MAF: variants seen among roughly 807,000 people sequenced by gnomAD.
The protein encoded by MAF is transcription factor Maf.
A neutral mutation model predicts 22.0 loss-of-function variants in MAF; 10 were observed. That is an observed-to-expected ratio of 0.45 (90% confidence interval 0.28 to 0.77). The LOEUF is 0.77. Ranked by LOEUF, MAF falls within the 30% of genes least tolerant of loss-of-function variation. The probability of loss-of-function intolerance (pLI) is 0.12; values close to 1 mark genes in which losing one functional copy is unlikely to be tolerated. For missense variants in MAF, 544 were observed against 548.4 expected, an observed-to-expected ratio of 0.99 and a Z score of 0.08; for synonymous variants, 337 against 255.8, an observed-to-expected ratio of 1.32 and a Z score of -3.03.
the MAF span, among the ~76,000 whole-genome samples, chr16:79,262,668 C>G: frequency 6.6e-6 from 1 of 152,128 alleles, no homozygotes; most frequent in Non-Finnish European, 1.5e-5. Flanking sequence ...TACAGTCTTA[C>G]AGTTCCTTCT....
chr16:79,395,819 TCAAA>T, the MAF span, among the ~76,000 whole-genome samples: 1 of 152,096 alleles, frequency 6.6e-6, no homozygotes, highest in African/African-American at 2.4e-5. Flanking sequence ...AAGAGGGAAC[TCAAA>T]CAGTAGGGAG....
At chr16:79,338,990 A>C in the MAF span, among the ~76,000 whole-genome samples, 1 of 152,322 alleles carries the variant, frequency 6.6e-6, no homozygotes, top group African/African-American at 2.4e-5. Context: ...GACTATTCTT[A>C]TCCAAGGAAG....
chr16:79,331,211 T>C, the MAF span, among the ~76,000 whole-genome samples: 1 of 152,196 alleles, frequency 6.6e-6, no homozygotes, highest in Non-Finnish European at 1.5e-5. Flanking sequence ...AAAATGTGTC[T>C]TAATCTTTTG....
At chr16:79,468,053 C>G in the MAF span, among the ~76,000 whole-genome samples, 1 of 152,150 alleles carries the variant, frequency 6.6e-6, no homozygotes, top group African/African-American at 2.4e-5. Flanking sequence ...GAATGTGTCA[C>G]TGAGCAGACC....
At chr16:79,255,945 TTTATCTTTTC>T in the MAF span, among the ~76,000 whole-genome samples, 1 of 143,418 alleles carries the variant, frequency 7.0e-6, no homozygotes, top group Non-Finnish European at 1.5e-5. Context: ...GAGAGATGTC[TTTATCTTTTC>T]TTTTCTTTTC....
chr16:79,332,616 T>C, the MAF span, among the ~76,000 whole-genome samples: 10 of 152,228 alleles, frequency 6.6e-5, no homozygotes, highest in Non-Finnish European at 1.2e-4. Flanking sequence ...ATAATTATGA[T>C]AGCTAATATT....
the MAF span, among the ~76,000 whole-genome samples, chr16:79,430,325 G>A: frequency 1.3e-5 from 2 of 152,246 alleles, no homozygotes; most frequent in South Asian, 2.1e-4. Flanking sequence ...GGCTGCGTCT[G>A]CACCTTCCCC....
At chr16:79,289,284 C>T in the MAF span, among the ~76,000 whole-genome samples, 5 of 151,872 alleles carry the variant, frequency 3.3e-5, no homozygotes, top group Admixed American at 3.3e-4. Flanking sequence ...CTGGGGCAGG[C>T]AAGAGCAGTG....
chr16:79,594,414 T>A lies in MAF; in HGVS notation c.*46A>T, dbSNP rs375954068. ...GGTGGTTCTCCATGACTGCAAATAATAATAATAATGATGATTTTTTTTAAT... is the reference window on the plus strand; with the variant it reads ...GGTGGTTCTCCATGACTGCAAATAAAAATAATAATGATGATTTTTTTTAAT... On this transcript the variant is annotated 3_prime_UTR_variant, in exon 2 of 2. Coordinates refer to ENST00000326043, the MANE Select transcript of MAF (RefSeq NM_005360.5). The A allele has an allele frequency of 8.8e-5, 132 of 1,507,326 alleles. 1 individual carries two copies. In the East Asian group the frequency reaches 1.4e-3, roughly 16 times the overall value. 93.4% of individuals were successfully genotyped at this position (1,507,326 alleles called of 1,614,324 possible).
the MAF span, among the ~76,000 whole-genome samples, chr16:79,559,036 G>C: frequency 7.2e-5 from 11 of 152,132 alleles, no homozygotes; most frequent in Admixed American, 6.5e-4. Context: ...TCGCCTGGTG[G>C]CTGTGTGTTT....
chr16:79,324,392 T>C, the MAF span, among the ~76,000 whole-genome samples: 1 of 152,190 alleles, frequency 6.6e-6, no homozygotes, highest in African/African-American at 2.4e-5. Context: ...GAAATCTGTG[T>C]GTACGAAGCG....
At chr16:79,595,522 G>A (rs939446924) in intron 1 of MAF, 2 of 1,059,954 alleles carry the variant, frequency 1.9e-6, no homozygotes, top group Non-Finnish European at 2.3e-6. Context: ...GCTAGGGGAA[G>A]ATGACTAAGA....
At chr16:79,337,568 A>AAAAACAAAAC in the MAF span, among the ~76,000 whole-genome samples, 141,704 of 151,526 alleles carry the variant, frequency 0.94, 66,333 homozygotes, top group African/African-American at 0.95. Context: ...ATTCCGTCTC[A>AAAAACAAAAC]AAAACAAAAC....
At chr16:79,211,794 T>TAA in the MAF span, 1 of 1,614,032 alleles carries the variant, frequency 6.2e-7, no homozygotes, top group African/African-American at 1.3e-5. Flanking sequence ...CCAGTCCGGC[T>TAA]AAGTGGAGCT....
the MAF span, among the ~76,000 whole-genome samples, chr16:79,488,276 T>C: frequency 2.6e-5 from 4 of 152,170 alleles, no homozygotes; most frequent in Non-Finnish European, 4.4e-5. Context: ...GTGAGGACTT[T>C]AGGGGACCAG....
the MAF span, among the ~76,000 whole-genome samples, chr16:79,268,389 C>T: frequency 6.6e-6 from 1 of 152,128 alleles, no homozygotes; most frequent in Non-Finnish European, 1.5e-5. Context: ...CCTCTCTAAG[C>T]CTCCATTTCC....
the MAF span, among the ~76,000 whole-genome samples, chr16:79,365,495 T>G: frequency 6.6e-6 from 1 of 152,174 alleles, no homozygotes; most frequent in Admixed American, 6.5e-5. Flanking sequence ...AGTGACTGAT[T>G]GGTGGATGAT....
the MAF span, among the ~76,000 whole-genome samples, chr16:79,277,255 G>T: frequency 6.6e-6 from 1 of 152,090 alleles, no homozygotes; most frequent in Non-Finnish European, 1.5e-5. Flanking sequence ...TGCAAAGACC[G>T]CATTTCCAAA....
the MAF span, among the ~76,000 whole-genome samples, chr16:79,532,137 G>C: frequency 6.6e-6 from 1 of 152,130 alleles, no homozygotes; most frequent in East Asian, 1.9e-4. Context: ...AAATTGAACT[G>C]GGCATCTTGT....
Sources: allele counts gnomAD v4.1 joint callset (sites outside exome capture counted in the v4.1 genomes callset), GRCh38; gene constraint gnomAD v4.1.1; transcripts MANE v1.5; gene names NCBI Gene and HGNC (gene_info 2026-07-23, HGNC 2026-07-21).